The following GRM7 variants were observed in gnomAD, a reference collection of about 807,000 sequenced individuals.
GRM7 encodes the protein glutamate metabotropic receptor 7.
Under a neutral mutation model 84.5 loss-of-function variants are expected in GRM7, and 35 were observed. That is an observed-to-expected ratio of 0.41 (90% confidence interval 0.32 to 0.55). The LOEUF (loss-of-function observed/expected upper bound fraction) is 0.55, where lower values mean the gene tolerates loss of function less well. Among genes scored for constraint, GRM7 ranks in the 20% least tolerant of loss-of-function variants. The pLI, the probability that GRM7 is intolerant of heterozygous loss-of-function variation, is 0.19. For synonymous variants in GRM7, 487 were observed against 455.1 expected (o/e 1.07, Z -0.89); for missense variants, 1,003 against 1,194.6 (o/e 0.84, Z 2.36).
chr3:7,016,963 C>T (rs896089354), intron 1 of GRM7, among the ~76,000 whole-genome samples: 8 of 152,138 alleles, frequency 5.3e-5, no homozygotes, highest in African/African-American at 1.9e-4. Context: ...ATGAGCATCA[C>T]CTTGGAGCCT....
At chr3:7,311,092 A>G (rs986610947) in intron 4 of GRM7, among the ~76,000 whole-genome samples, 1 of 152,206 alleles carries the variant, frequency 6.6e-6, no homozygotes, top group Non-Finnish European at 1.5e-5. Context: ...TGATACATAT[A>G]TCCTTTATGA....
intron 8 of GRM7, among the ~76,000 whole-genome samples, chr3:7,592,487 G>T: frequency 6.6e-6 from 1 of 152,186 alleles, no homozygotes; most frequent in Non-Finnish European, 1.5e-5. Context: ...AGTAGTGTGA[G>T]CTAGGATGGG....
chr3:7,321,128 A>C (rs1700764923), intron 4 of GRM7, among the ~76,000 whole-genome samples: 1 of 151,994 alleles, frequency 6.6e-6, no homozygotes, highest in Non-Finnish European at 1.5e-5. Flanking sequence ...AATAATATAT[A>C]TGGATAAAAG....
At chr3:7,347,839 T>G (rs989126) in intron 4 of GRM7, among the ~76,000 whole-genome samples, 51,093 of 152,092 alleles carry the variant, frequency 0.34, 8,773 homozygotes, top group South Asian at 0.44. Context: ...TTCAAAGTGC[T>G]TTTTGACATT....
At chr3:7,406,699 G>T (rs1695694663) in intron 4 of GRM7, among the ~76,000 whole-genome samples, 1 of 152,138 alleles carries the variant, frequency 6.6e-6, no homozygotes, top group Non-Finnish European at 1.5e-5. Flanking sequence ...ATTTTAGAAT[G>T]CATCTCACAT....
At position 7,188,778 on chromosome 3, in the gene GRM7, T is replaced by G. The variant is rs539451635; in HGVS notation, c.736+42110T>G. 5.0e-4 allele frequency among the ~76,000 whole-genome samples: 76 copies of G among 152,302 alleles called. No homozygotes were observed. The highest frequency in any genetic ancestry group is 3.4e-3 in the Middle Eastern group (1 of 294). On this transcript the variant is annotated intron_variant, in intron 2 of 9. Coordinates refer to ENST00000357716, the MANE Select transcript of GRM7 (RefSeq NM_000844.4). This position sits in a 1 kb window ranked among gnomAD's most constrained non-coding sequence, Gnocchi z 4.2. ...CATGTGGCAATTTTGAGATTCAGCC[T>G]CCTTTCCTCCTGTGGCCCTGATATT...
intron 1 of GRM7, among the ~76,000 whole-genome samples, chr3:7,122,888 G>T (rs1035136020): frequency 6.6e-6 from 1 of 151,734 alleles, no homozygotes; most frequent in Non-Finnish European, 1.5e-5. Flanking sequence ...GCACTTTATT[G>T]TGGGGAGGGG....
intron 4 of GRM7, among the ~76,000 whole-genome samples, chr3:7,410,596 TATACACACAC>T (rs1401935030): frequency 5.8e-5 from 4 of 68,734 alleles, no homozygotes; most frequent in African/African-American, 2.0e-4. Context: ...TATATATATA[TATACACACAC>T]ACACACACAC....
chr3:7,290,392 T>C (rs1489356360), intron 2 of GRM7, among the ~76,000 whole-genome samples: 1 of 152,200 alleles, frequency 6.6e-6, no homozygotes, highest in African/African-American at 2.4e-5. Flanking sequence ...CCAAGATTGC[T>C]TTAAACCTCA....
At chr3:7,740,256 C>G in intron 9 of GRM7, 101 bp from the exon 10 acceptor site, 1 of 743,352 alleles carries the variant, frequency 1.3e-6, no homozygotes, top group Non-Finnish European at 2.3e-6. Context: ...GCTGTATCAC[C>G]TCACTTTGAC....
At chr3:7,081,901 G>C (rs564929089) in intron 1 of GRM7, among the ~76,000 whole-genome samples, 52 of 152,162 alleles carry the variant, frequency 3.4e-4, no homozygotes, top group African/African-American at 1.2e-3. Flanking sequence ...TTCTGCAAAG[G>C]CTGAAAGAAG....
At chr3:7,304,555 T>C (rs1700123248) in intron 3 of GRM7, among the ~76,000 whole-genome samples, 1 of 151,930 alleles carries the variant, frequency 6.6e-6, no homozygotes, top group Non-Finnish European at 1.5e-5. Context: ...CTATTTTCTC[T>C]GTACGTTCTT....
At chr3:7,068,542 G>T (rs1300415862) in intron 1 of GRM7, among the ~76,000 whole-genome samples, 3 of 151,968 alleles carry the variant, frequency 2.0e-5, no homozygotes, top group African/African-American at 7.2e-5. Flanking sequence ...TGAGCATGCT[G>T]TGTACAACAT....
intron 2 of GRM7, among the ~76,000 whole-genome samples, chr3:7,168,737 C>T (rs372041799): frequency 3.3e-5 from 5 of 152,140 alleles, no homozygotes; most frequent in South Asian, 2.1e-4. Flanking sequence ...GAAGGGAATG[C>T]GTAGTTATAC....
In GRM7 at chr3:7,042,533, C is replaced by T. The variant is rs181933381; in HGVS notation, c.520-103919C>T. ...TGTTTTCCCCCCATTCTTTCTTTTT[C>T]TCTGTGTTTTCTTGGGTCATTTCTA... On this transcript the variant is annotated intron_variant, in intron 1 of 9. Transcript: ENST00000357716. Among the ~76,000 whole-genome samples, 1,162 of 152,172 alleles carry T rather than the reference C, an allele frequency of 7.6e-3. 5 individuals carry two copies. Among genetic ancestry groups the T allele is most frequent in the Non-Finnish European group, 0.013 (886 of 67,982 alleles).
chr3:7,450,443 A>G (rs1003991897), intron 5 of GRM7, among the ~76,000 whole-genome samples: 1 of 152,232 alleles, frequency 6.6e-6, no homozygotes, highest in African/African-American at 2.4e-5. Flanking sequence ...TTCTTCCCCA[A>G]AATACTCAGG....
At chr3:7,071,334 C>T (rs932791186) in intron 1 of GRM7, among the ~76,000 whole-genome samples, 3 of 152,130 alleles carry the variant, frequency 2.0e-5, no homozygotes, top group African/African-American at 4.8e-5. Context: ...CTCAAAGGAA[C>T]ATCTGAGCCT....
At chr3:6,974,098 A>G (rs1693885763) in intron 1 of GRM7, among the ~76,000 whole-genome samples, 1 of 152,218 alleles carries the variant, frequency 6.6e-6, no homozygotes, top group Non-Finnish European at 1.5e-5. Flanking sequence ...TAAGATTAAC[A>G]GTATTTACCA....
At chr3:6,911,367 A>G (rs1278314359) in intron 1 of GRM7, among the ~76,000 whole-genome samples, 1 of 152,130 alleles carries the variant, frequency 6.6e-6, no homozygotes, top group Non-Finnish European at 1.5e-5. Context: ...AAAATCATGT[A>G]ATATAAAAAG....
Sources: gnomAD v4.1 joint callset for allele counts (sites outside exome capture counted in the v4.1 genomes callset) on GRCh38, gnomAD v4.1.1 for gene constraint, Gnocchi (gnomAD v3.1) non-coding constraint, MANE v1.5 for transcripts, NCBI Gene and HGNC (gene_info 2026-07-23, HGNC 2026-07-21) for gene names.